DOCK1: variants seen among roughly 807,000 people sequenced by gnomAD.
DOCK1 encodes the protein dedicator of cytokinesis protein 1.
DOCK1 carries 138 observed loss-of-function variants against 262.7 expected under a neutral mutation model. The ratio of observed to expected loss-of-function variants is 0.53; its 90% CI spans 0.46 to 0.61. The LOEUF is 0.61. DOCK1 is among the 20% of genes least tolerant of loss of function. DOCK1 has a pLI of 0.00. For missense variants in DOCK1, 1,908 were observed against 2,370.7 expected (o/e 0.80, Z 4.05); for synonymous variants, 866 against 867.4 (o/e 1.00, Z 0.03).
intron 1 of DOCK1, among the ~76,000 whole-genome samples, chr10:126,951,625 T>G (rs2036254897): frequency 6.6e-6 from 1 of 151,154 alleles, no homozygotes; most frequent in Non-Finnish European, 1.5e-5. Context: ...GGTGGTATTG[T>G]TGGTGGTAGT....
chr10:127,137,804 A>T (rs768340065), intron 27 of DOCK1: 1 of 1,588,200 alleles, frequency 6.3e-7, no homozygotes, highest in Admixed American at 1.8e-5. Context: ...GTGGGTTCTA[A>T]AGACGGCCTC....
chr10:126,987,093 C>T (rs553966278), intron 4 of DOCK1, among the ~76,000 whole-genome samples: 1 of 152,142 alleles, frequency 6.6e-6, no homozygotes, highest in South Asian at 2.1e-4. Context: ...GAGTTTTATG[C>T]GTGATGGAAA....
chr10:126,934,874 T>C (rs1201206183), intron 1 of DOCK1, among the ~76,000 whole-genome samples: 2 of 151,944 alleles, frequency 1.3e-5, no homozygotes, highest in Admixed American at 6.5e-5. Context: ...CCCAGCACTT[T>C]GGGAGGCCAA....
intron 38 of DOCK1, among the ~76,000 whole-genome samples, chr10:127,401,640 G>A (rs760966151): frequency 6.6e-6 from 1 of 152,156 alleles, no homozygotes; most frequent in Non-Finnish European, 1.5e-5. Flanking sequence ...TCAGGAAGCT[G>A]CTGATCACCA....
chr10:126,968,730 A>G (rs2037864532), intron 1 of DOCK1, among the ~76,000 whole-genome samples: 1 of 152,168 alleles, frequency 6.6e-6, no homozygotes. Flanking sequence ...AGATGTATTT[A>G]TGGTTCCTGA....
chr10:127,271,576 G>A (rs1394651363), intron 29 of DOCK1, among the ~76,000 whole-genome samples: 1 of 152,090 alleles, frequency 6.6e-6, no homozygotes, highest in East Asian at 1.9e-4. Context: ...CTTCTGTGTG[G>A]CACTTAATAT....
chr10:127,075,435 CTAATTTTTG>C (rs942568267), intron 23 of DOCK1, among the ~76,000 whole-genome samples: 5 of 152,020 alleles, frequency 3.3e-5, no homozygotes, highest in African/African-American at 7.2e-5. Flanking sequence ...CCACAGATGG[CTAATTTTTG>C]TAATTTTTGT....
chr10:127,310,155 G>A lies in DOCK1; in HGVS notation c.3045-28851G>A, dbSNP rs151037601. Among the ~76,000 whole-genome samples the A allele has an allele frequency of 6.5e-3, 991 of 152,248 alleles. 17 individuals are homozygous for A. Among genetic ancestry groups the A allele is most frequent in the African/African-American group, 0.023 (942 of 41,534 alleles). ...CTCCCAAAGTGTTGGGATTATAAGC[G>A]TGAGCCACTGCGCCCGGCCTGCTTT... On this transcript the variant is annotated intron_variant, in intron 29 of 51. Transcript: ENST00000623213.
At chr10:127,085,267 T>G (rs3824598) in intron 23 of DOCK1, among the ~76,000 whole-genome samples, 4,046 of 152,302 alleles carry the variant, frequency 0.027, 115 homozygotes, top group East Asian at 0.11. Context: ...CAGATACTTT[T>G]GAGCCCTCTG....
At chr10:127,244,761 T>C (rs1474131721) in intron 27 of DOCK1, among the ~76,000 whole-genome samples, 3 of 152,180 alleles carry the variant, frequency 2.0e-5, no homozygotes, top group African/African-American at 4.8e-5. Flanking sequence ...TTTTTACTTA[T>C]TGACTTATTT....
At chr10:127,407,816 C>T (rs533308711) in intron 40 of DOCK1, among the ~76,000 whole-genome samples, 6 of 152,138 alleles carry the variant, frequency 3.9e-5, no homozygotes, top group South Asian at 2.1e-4. Context: ...AACCACGCCC[C>T]GTCCTGGAAA....
At chr10:127,432,135 G>A (rs1273684235) in intron 47 of DOCK1, among the ~76,000 whole-genome samples, 3 of 152,178 alleles carry the variant, frequency 2.0e-5, no homozygotes, top group African/African-American at 7.2e-5. Flanking sequence ...TGTATTCCAC[G>A]ATACCGGTTC....
In DOCK1 at chr10:127,024,778, G is replaced by T. The variant is rs763016476; in HGVS notation, c.1546G>T (p.Val516Phe). Residue 516 changes from valine (V) to phenylalanine (F), a missense_variant, in exon 15 of 52, where the codon GTT (valine) becomes TTT (phenylalanine). Around this residue, in one of 9 missense-constraint regions of DOCK1, gnomAD observed 294 missense variants for 439.9 expected, o/e 0.67. Coordinates refer to ENST00000623213, the MANE Select transcript of DOCK1 (RefSeq NM_001290223.2). ...QVKQPRWFETVKVAIPIEDVN... is the reference protein window; with the variant it reads ...QVKQPRWFETFKVAIPIEDVN... ...AAAGCAGCCACGCTGGTTTGAGACT[G>T]TTAAGGTATTATTTACATGGTCATT... The T allele has an allele frequency of 6.2e-7, 1 of 1,604,558 alleles. No individual in the cohort carries two copies.
intron 27 of DOCK1, chr10:127,196,280 C>T (rs1159808053): frequency 1.3e-5 from 2 of 148,982 alleles, no homozygotes; most frequent in African/African-American, 4.9e-5. Flanking sequence ...TAGCGACGCG[C>T]GCGGGGAGGC....
At chr10:127,181,751 C>A (rs1183318083) in intron 27 of DOCK1, among the ~76,000 whole-genome samples, 1 of 152,216 alleles carries the variant, frequency 6.6e-6, no homozygotes, top group Admixed American at 6.5e-5. Flanking sequence ...CGGCTTCCAC[C>A]GGAAGGGGAG....
Position 127,100,898 on chromosome 10 carries a change from G to C in DOCK1, c.2446-5333G>C, listed in dbSNP as rs748034725. 5.9e-5 allele frequency among the ~76,000 whole-genome samples: 9 copies of C among 152,158 alleles called. No individual in the cohort carries two copies. Among genetic ancestry groups the C allele is most frequent in the Non-Finnish European group, 1.0e-4 (7 of 68,014 alleles). On this transcript the variant is annotated intron_variant, in intron 23 of 51. Transcript: ENST00000623213. This position sits in a 1 kb window ranked among gnomAD's most constrained non-coding sequence, Gnocchi z 5.5. Reference sequence around the variant, plus strand: ...GGACGCAGGCCTTGCCCACACTGTGGGGTATTGTCCGATGGAGCAGAGGCT... The same window carrying C: ...GGACGCAGGCCTTGCCCACACTGTGCGGTATTGTCCGATGGAGCAGAGGCT...
chr10:127,410,765 G>A, intron 42 of DOCK1, 75 bp from the exon 43 acceptor site: 2 of 1,398,596 alleles, frequency 1.4e-6, no homozygotes, highest in Non-Finnish European at 2.0e-6. Flanking sequence ...ATGTTCTAAG[G>A]CCAGACCCCG....
intron 27 of DOCK1, among the ~76,000 whole-genome samples, chr10:127,139,644 C>T (rs1008910171): frequency 1.3e-5 from 2 of 152,164 alleles, no homozygotes; most frequent in African/African-American, 4.8e-5. Context: ...GCCTCAGTTC[C>T]GTGATGTGGT....
At chr10:127,363,289 C>G (rs1208380957) in intron 33 of DOCK1, among the ~76,000 whole-genome samples, 1 of 152,098 alleles carries the variant, frequency 6.6e-6, no homozygotes, top group African/African-American at 2.4e-5. Context: ...GCAGGCAGAT[C>G]ACTTGAGCTC....
Sources: gnomAD v4.1 joint callset for allele counts (sites outside exome capture counted in the v4.1 genomes callset) on GRCh38, gnomAD v4.1.1 for gene constraint, gnomAD v4.1.1 regional missense constraint, Gnocchi (gnomAD v3.1) non-coding constraint, MANE v1.5 for transcripts, NCBI Gene and HGNC (gene_info 2026-07-23, HGNC 2026-07-21) for gene names.